PACSIN2: variants seen among roughly 807,000 people sequenced by gnomAD.
The protein encoded by PACSIN2 is protein kinase C and casein kinase substrate in neurons 2.
Under a neutral mutation model 63.8 loss-of-function variants are expected in PACSIN2, and 25 were observed. The observed-to-expected ratio is 0.39, with a 90% CI of 0.29 to 0.55. The LOEUF (loss-of-function observed/expected upper bound fraction) is 0.55, where lower values mean the gene tolerates loss of function less well. Ranked by LOEUF, PACSIN2 falls within the 20% of genes least tolerant of loss-of-function variation. PACSIN2 has a pLI of 0.62. For missense variants in PACSIN2, 518 were observed against 646.9 expected (o/e 0.80, Z 2.16); for synonymous variants, 255 against 256.2 (o/e 1.00, Z 0.05).
At position 42,935,217 on chromosome 22, in the gene PACSIN2, GC is replaced by G. The variant is rs761414845; in HGVS notation, c.-77-23061del. Among the ~76,000 whole-genome samples, 89 of 152,016 alleles carry G rather than the reference GC, an allele frequency of 5.9e-4. 1 individual carries two copies. Among genetic ancestry groups the G allele is most frequent in the Non-Finnish European group, 1.1e-3 (78 of 67,976 alleles). On this transcript the variant is annotated intron_variant, in intron 1 of 10. Transcript: ENST00000263246. ...TGGGATTATAGGCGTGAGCCACCGT[GC>G]CCAGCCCAGGGCATGAATTTTTTAG...
At chr22:42,953,626 T>C (rs1071960) in intron 1 of PACSIN2, among the ~76,000 whole-genome samples, 35,492 of 152,192 alleles carry the variant, frequency 0.23, 5,041 homozygotes, top group Non-Finnish European at 0.31. Context: ...AATGCAGTGC[T>C]AAGGGTTTCA....
intron 2 of PACSIN2, among the ~76,000 whole-genome samples, chr22:42,904,998 G>A (rs1211752408): frequency 2.0e-5 from 3 of 152,148 alleles, no homozygotes; most frequent in Non-Finnish European, 4.4e-5. Context: ...ATTTGTTACT[G>A]AATAGAAAGG....
chr22:42,997,422 G>A (rs1923481381), intron 1 of PACSIN2, among the ~76,000 whole-genome samples: 1 of 152,136 alleles, frequency 6.6e-6, no homozygotes, highest in African/African-American at 2.4e-5. Flanking sequence ...GCCAGGCGTG[G>A]TGGCAGGCGC....
chr22:42,909,120 A>G (rs906039022), intron 2 of PACSIN2, among the ~76,000 whole-genome samples: 4 of 152,100 alleles, frequency 2.6e-5, no homozygotes, highest in African/African-American at 9.7e-5. Flanking sequence ...TCCAGCAAGC[A>G]TCCAAGTGCA....
chr22:42,873,613 G>A (rs1392430083), intron 10 of PACSIN2, among the ~76,000 whole-genome samples: 1 of 152,180 alleles, frequency 6.6e-6, no homozygotes, highest in Non-Finnish European at 1.5e-5. Flanking sequence ...TAGCCTAGGG[G>A]CAAGGGCACA....
In PACSIN2 at chr22:42,893,513, G is replaced by A. The variant is rs1481196822; in HGVS notation, c.161C>T (p.Ala54Val). ...CCACTCAGTGAGCTGCTGCGCATAC[G>A]CCTTCTCGATGCGCGCCCGCTCATG... ...CLHERARIEK[A>V]YAQQLTEWAR... is the part of the protein sequence containing the mutation. Residue 54 changes from alanine to valine, a missense_variant, in exon 3 of 11, where the codon GCG (alanine) becomes GTG (valine). By Grantham distance (64) the Ala-to-Val change is moderately conservative. Around this residue, in one of 2 missense-constraint regions of PACSIN2, gnomAD observed 507 missense variants for 612.3 expected, o/e 0.83. Transcript: ENST00000263246. 8.1e-6 allele frequency: 13 copies of A among 1,613,910 alleles called. No homozygotes were observed. The African/African-American group carries it at 9.3e-5, about 12-fold the overall frequency.
Position 42,871,118 on chromosome 22 carries a change from G to A in PACSIN2, c.*239C>T, listed in dbSNP as rs1928074522. On this transcript the variant is annotated 3_prime_UTR_variant, in exon 11 of 11. Transcript: ENST00000263246. This position sits in a 1 kb window ranked among gnomAD's most constrained non-coding sequence, Gnocchi z 5.4. ...TGATAGGCCAACAGGCACAGTGGGC[G>A]GGGAGGGGCGGCTATTTCTGTTGTT... 7.2e-6 allele frequency: 4 copies of A among 558,224 alleles called. No individual in the cohort carries two copies. The highest frequency in any genetic ancestry group is 1.3e-5 in the Non-Finnish European group (4 of 310,044). The allele number at this position is 558,224 out of a possible 1,614,324, so 34.6% of individuals were successfully genotyped here.
At chr22:42,962,214 A>T (rs912294070) in intron 1 of PACSIN2, among the ~76,000 whole-genome samples, 3 of 150,006 alleles carry the variant, frequency 2.0e-5, no homozygotes, top group Non-Finnish European at 4.4e-5. Context: ...AGCCCCACTT[A>T]GGGCTGCTGG....
Position 42,980,402 on chromosome 22 carries a change from T to C in PACSIN2, c.-78+34619A>G, listed in dbSNP as rs556735152. Among the ~76,000 whole-genome samples, 9 of 151,974 alleles carry C rather than the reference T, an allele frequency of 5.9e-5. No individual in the cohort carries two copies. The South Asian group carries it at 1.9e-3, about 32-fold the overall frequency. On this transcript the variant is annotated intron_variant, in intron 1 of 10. Coordinates refer to ENST00000263246, the MANE Select transcript of PACSIN2 (RefSeq NM_001184970.3). Reference sequence around the variant, plus strand: ...TGGTCATTAGGAGGTCAAGGCTGCATGATCACACCACGACACTCCAGCCTG... The same window carrying C: ...TGGTCATTAGGAGGTCAAGGCTGCACGATCACACCACGACACTCCAGCCTG...
chr22:42,966,654 GT>G (rs1920960763), intron 1 of PACSIN2, among the ~76,000 whole-genome samples: 1 of 152,214 alleles, frequency 6.6e-6, no homozygotes, highest in Admixed American at 6.5e-5. Context: ...GAGGGAACAT[GT>G]TAATTTTTTT....
Position 42,969,736 on chromosome 22 carries a change from C to T in PACSIN2, c.-78+45285G>A, listed in dbSNP as rs186429743. On this transcript the variant is annotated intron_variant, in intron 1 of 10. Transcript: ENST00000263246. The stretch of plus-strand genomic sequence containing the variant: ...TGATGATCGCTCGAGTCCACGTGTT[C>T]GAGACCAGCCTGGGCAACATGGAAA... 3.5e-3 allele frequency among the ~76,000 whole-genome samples: 538 copies of T among 151,942 alleles called. 1 individual carries two copies. Among genetic ancestry groups the T allele is most frequent in the African/African-American group, 0.013 (521 of 41,428 alleles).
chr22:42,983,333 A>G (rs933762247), intron 1 of PACSIN2, among the ~76,000 whole-genome samples: 27 of 149,014 alleles, frequency 1.8e-4, no homozygotes, highest in African/African-American at 2.5e-4. Flanking sequence ...AAAAAAAAAA[A>G]AAAGAAACTG....
At chr22:42,936,597 A>G (rs952536380) in intron 1 of PACSIN2, among the ~76,000 whole-genome samples, 3 of 152,154 alleles carry the variant, frequency 2.0e-5, no homozygotes, top group Non-Finnish European at 4.4e-5. Context: ...AGACTTTTAC[A>G]TATATCAAAG....
chr22:42,978,514 AAAGCTG>A (rs1921860288), intron 1 of PACSIN2, among the ~76,000 whole-genome samples: 1 of 152,234 alleles, frequency 6.6e-6, no homozygotes, highest in Admixed American at 6.5e-5. Flanking sequence ...GAATGACTGC[AAAGCTG>A]GGCTCTTCAC....
intron 1 of PACSIN2, among the ~76,000 whole-genome samples, chr22:42,971,576 C>T (rs1170719899): frequency 6.6e-6 from 1 of 151,982 alleles, no homozygotes; most frequent in Non-Finnish European, 1.5e-5. Flanking sequence ...CCCCTCTGCC[C>T]GGCCACCCAG....
intron 10 of PACSIN2, among the ~76,000 whole-genome samples, chr22:42,872,544 T>G (rs1928243572): frequency 6.6e-6 from 1 of 152,274 alleles, no homozygotes; most frequent in Non-Finnish European, 1.5e-5. Context: ...CTTTGGATTT[T>G]GTATGGCAGC....
intron 1 of PACSIN2, among the ~76,000 whole-genome samples, chr22:42,927,250 C>CT (rs11431933): frequency 0.18 from 25,936 of 147,210 alleles, 3,867 homozygotes; most frequent in East Asian, 0.72. Flanking sequence ...CTTCCAGTTA[C>CT]TTTTTTTTTT....
At chr22:42,924,567 C>T (rs1363823924) in intron 1 of PACSIN2, among the ~76,000 whole-genome samples, 1 of 152,134 alleles carries the variant, frequency 6.6e-6, no homozygotes, top group Non-Finnish European at 1.5e-5. Flanking sequence ...TCACCTCCAC[C>T]GAGCTACTTT....
intron 1 of PACSIN2, among the ~76,000 whole-genome samples, chr22:42,949,362 TG>T (rs527674547): frequency 8.8e-4 from 134 of 152,218 alleles, no homozygotes; most frequent in African/African-American, 3.1e-3. Context: ...GATATGGCTT[TG>T]GCAAGCAGGA....
Sources: allele counts gnomAD v4.1 joint callset (sites outside exome capture counted in the v4.1 genomes callset), GRCh38; gene constraint gnomAD v4.1.1; regional missense constraint gnomAD v4.1.1; non-coding constraint Gnocchi (gnomAD v3.1); transcripts MANE v1.5; gene names NCBI Gene and HGNC (gene_info 2026-07-23, HGNC 2026-07-21).